Variants in LTBP2 observed in about 807,000 individuals in gnomAD.
LTBP2 encodes the protein latent transforming growth factor beta binding protein 2.
A neutral mutation model predicts 210.6 loss-of-function variants in LTBP2; 103 were observed. That is an observed-to-expected ratio of 0.49 (90% confidence interval 0.42 to 0.58). The LOEUF (loss-of-function observed/expected upper bound fraction) is 0.58, where lower values mean the gene tolerates loss of function less well. Ranked by LOEUF, LTBP2 falls within the 20% of genes least tolerant of loss-of-function variation. The pLI is 0.00. For missense variants in LTBP2, 2,313 were observed against 2,494.5 expected (o/e 0.93, Z 1.55); for synonymous variants, 1,007 against 1,015.0 (o/e 0.99, Z 0.15).
intron 8 of LTBP2, among the ~76,000 whole-genome samples, chr14:74,544,456 AG>A (rs1053741737): frequency 1.3e-5 from 2 of 152,220 alleles, no homozygotes; most frequent in African/African-American, 4.8e-5. Context: ...AAAAGCACTT[AG>A]CACCGTGCCT....
intron 13 of LTBP2, 66 bp from the exon 14 acceptor site, chr14:74,526,180 C>T: frequency 2.7e-6 from 4 of 1,483,894 alleles, no homozygotes; most frequent in African/African-American, 1.4e-5. Context: ...CCACCTTCCA[C>T]CACACTGACC....
At chr14:74,593,119 C>G (rs2088305490) in intron 2 of LTBP2, among the ~76,000 whole-genome samples, 2 of 152,218 alleles carry the variant, frequency 1.3e-5, no homozygotes, top group African/African-American at 2.4e-5. Context: ...CCCCATGTTC[C>G]TAGCTGAGCC....
chr14:74,503,158 G>A (rs1226294237), intron 33 of LTBP2, 61 bp downstream of exon 33: 3 of 1,600,146 alleles, frequency 1.9e-6, no homozygotes, highest in Admixed American at 3.3e-5. Context: ...CCAAGGTGAG[G>A]GCATCCCCCT....
At chr14:74,606,111 T>C (rs1376461845) in intron 1 of LTBP2, among the ~76,000 whole-genome samples, 2 of 152,150 alleles carry the variant, frequency 1.3e-5, no homozygotes, top group African/African-American at 2.4e-5. Flanking sequence ...CTCTCAGAGA[T>C]CATCTGAGTC....
intron 12 of LTBP2, 75 bp downstream of exon 12, chr14:74,528,408 C>T: frequency 6.5e-7 from 1 of 1,532,538 alleles, no homozygotes; most frequent in East Asian, 2.2e-5. Context: ...CCAGGATTAA[C>T]ACCCACACTT....
Position 74,498,857 on chromosome 14 carries a change from G to A in LTBP2, c.*2027C>T. On this transcript the variant is annotated 3_prime_UTR_variant, in exon 36 of 36. Coordinates refer to ENST00000261978, the MANE Select transcript of LTBP2 (RefSeq NM_000428.3). Reference sequence around the variant, plus strand: ...TCCCTTTTCCCCTTAATTTGTTTTGGATATCTTTCTTAAGGAATTTAGAGC... The same window carrying A: ...TCCCTTTTCCCCTTAATTTGTTTTGAATATCTTTCTTAAGGAATTTAGAGC... The A allele has an allele frequency of 4.4e-6, 1 of 228,110 alleles. No individual in the cohort carries two copies. Among genetic ancestry groups the A allele is most frequent in the Non-Finnish European group, 8.7e-6 (1 of 114,848 alleles). 14.1% of individuals were successfully genotyped at this position (228,110 alleles called of 1,614,324 possible).
intron 8 of LTBP2, among the ~76,000 whole-genome samples, chr14:74,540,877 A>ATATACATAATATATATATTTATATATAAT: frequency 1.3e-5 from 1 of 79,526 alleles, no homozygotes; most frequent in Admixed American, 2.1e-4. Flanking sequence ...TTATATATAT[A>ATATACATAATATATATATTTATATATAAT]ATATATATAT....
chr14:74,609,789 T>C (rs1220233911), intron 1 of LTBP2, among the ~76,000 whole-genome samples: 2 of 152,250 alleles, frequency 1.3e-5, no homozygotes, highest in African/African-American at 4.8e-5. Flanking sequence ...TGTTCATTTC[T>C]TCAACGTGAT....
At chr14:74,595,681 G>A (rs909351337) in intron 2 of LTBP2, among the ~76,000 whole-genome samples, 1 of 152,222 alleles carries the variant, frequency 6.6e-6, no homozygotes, top group East Asian at 1.9e-4. Flanking sequence ...CAGGGCAGGG[G>A]CATGAAGGAC....
intron 2 of LTBP2, among the ~76,000 whole-genome samples, chr14:74,594,415 G>GC (rs767257027): frequency 2.6e-5 from 4 of 152,102 alleles, no homozygotes; most frequent in African/African-American, 4.8e-5. Flanking sequence ...TCTGGGCCCA[G>GC]CCCCCCATTC....
In LTBP2 at chr14:74,505,277, C is replaced by T. The variant is rs2086967855; in HGVS notation, c.4178-103G>A. 3.8e-5 allele frequency: 51 copies of T among 1,331,932 alleles called. 1 individual carries two copies. In the South Asian group the frequency reaches 5.7e-4, roughly 15 times the overall value. The allele number at this position is 1,331,932 out of a possible 1,614,324, so 82.5% of individuals were successfully genotyped here. ...AATTTAACATTTGTGTAGCACTTTACAGTGGAAAAAATTCTGTTACCTGTA... is the reference window on the plus strand; with the variant it reads ...AATTTAACATTTGTGTAGCACTTTATAGTGGAAAAAATTCTGTTACCTGTA... On this transcript the variant is annotated intron_variant, in intron 28 of 35. Coordinates refer to ENST00000261978, the MANE Select transcript of LTBP2 (RefSeq NM_000428.3).
chr14:74,596,799 G>A (rs867419305), intron 2 of LTBP2, among the ~76,000 whole-genome samples: 5 of 152,226 alleles, frequency 3.3e-5, no homozygotes, highest in Non-Finnish European at 5.9e-5. Context: ...CGATGGGGGT[G>A]CCAGTTAACA....
rs1165889817 is a variant in LTBP2, at chr14:74,555,595, A to T, written c.929T>A (p.Leu310His). 1.9e-6 allele frequency: 3 copies of T among 1,611,520 alleles called. No individual in the cohort carries two copies. Among genetic ancestry groups the T allele is most frequent in the East Asian group, 4.5e-5 (2 of 44,844 alleles). ...LHPTATASSQ[L>H]SSNALPPGPG... ...TCCCGGGGGCAGGGCGTTGGAAGAG[A>T]GCTGGCTACTGGCCGTGGCAGTCGG... The change falls in exon 4 of 36, where the codon CTC becomes CAC. Residue 310 changes from leucine (L) to histidine (H), a missense_variant. Leu to His is a moderately conservative substitution (Grantham distance 99). Coordinates refer to ENST00000261978, the MANE Select transcript of LTBP2 (RefSeq NM_000428.3).
Position 74,510,217 on chromosome 14 carries a change from T to G in LTBP2, c.3029-4A>C. On this transcript the variant is annotated splice_polypyrimidine_tract_variant and splice_region_variant and intron_variant, in intron 19 of 35. Transcript: ENST00000261978. ...GGAGTCAGACACTCATTCACATCTGTGGGAGAGAAGTCCAAGACGGTGGGC... is the reference window on the plus strand; with the variant it reads ...GGAGTCAGACACTCATTCACATCTGGGGGAGAGAAGTCCAAGACGGTGGGC... 1 of 1,613,488 alleles carries G rather than the reference T, an allele frequency of 6.2e-7. No homozygotes were observed. Among genetic ancestry groups the G allele is most frequent in the African/African-American group, 1.3e-5 (1 of 75,048 alleles).
intron 20 of LTBP2, 41 bp downstream of exon 20, chr14:74,510,050 G>T: frequency 6.2e-7 from 1 of 1,613,786 alleles, no homozygotes; most frequent in African/African-American, 1.3e-5. Flanking sequence ...GCCACAAGCT[G>T]GATCGGCCTG....
intron 8 of LTBP2, among the ~76,000 whole-genome samples, chr14:74,545,813 G>A (rs1240040170): frequency 1.3e-5 from 2 of 152,222 alleles, no homozygotes; most frequent in Non-Finnish European, 2.9e-5. Context: ...AGGAAGACCT[G>A]GCTCAGGCTA....
intron 1 of LTBP2, among the ~76,000 whole-genome samples, chr14:74,610,090 A>G (rs1011771710): frequency 1.3e-5 from 2 of 152,204 alleles, no homozygotes; most frequent in African/African-American, 4.8e-5. Context: ...GAGAATACCA[A>G]CCAGTGCAGG....
At chr14:74,523,801 C>G (rs2087237689) in intron 15 of LTBP2, among the ~76,000 whole-genome samples, 1 of 152,180 alleles carries the variant, frequency 6.6e-6, no homozygotes, top group Admixed American at 6.5e-5. Flanking sequence ...TCAGGGGTCC[C>G]TGCCCCGCCC....
chr14:74,571,451 G>A (rs10150499), intron 3 of LTBP2, among the ~76,000 whole-genome samples: 10,009 of 152,244 alleles, frequency 0.066, 378 homozygotes, highest in Middle Eastern at 0.095. Context: ...ATCATCCCCA[G>A]CCTACAGATG....
Sources: allele counts gnomAD v4.1 joint callset (sites outside exome capture counted in the v4.1 genomes callset), GRCh38; gene constraint gnomAD v4.1.1; transcripts MANE v1.5; gene names NCBI Gene and HGNC (gene_info 2026-07-23, HGNC 2026-07-21).